The following NRG1 variants were observed in gnomAD, a reference collection of about 807,000 sequenced individuals.
NRG1 encodes pro-neuregulin-1, membrane-bound isoform.
A neutral mutation model predicts 63.8 loss-of-function variants in NRG1; 18 were observed. The observed-to-expected ratio is 0.28, with a 90% CI of 0.19 to 0.42. The LOEUF is 0.42. Among genes scored for constraint, NRG1 ranks in the 10% least tolerant of loss-of-function variants. NRG1 has a pLI of 1.00. For synonymous variants in NRG1, 302 were observed against 301.3 expected, an observed-to-expected ratio of 1.00 and a Z score of -0.02; for missense variants, 762 against 814.7, an observed-to-expected ratio of 0.94 and a Z score of 0.79.
At chr8:31,910,282 C>T (rs1007673427) in intron 1 of NRG1, among the ~76,000 whole-genome samples, 1 of 147,426 alleles carries the variant, frequency 6.8e-6, no homozygotes, top group African/African-American at 2.5e-5. Context: ...TAGATTGAGA[C>T]AGACATGCAG....
intron 1 of NRG1, among the ~76,000 whole-genome samples, chr8:32,235,536 G>A (rs1267436681): frequency 1.3e-5 from 2 of 152,042 alleles, no homozygotes; most frequent in South Asian, 2.1e-4. Flanking sequence ...CAAATTCTGA[G>A]CCCCCATCCC....
rs1189948229 is a variant in NRG1 at position 31,665,371 on chromosome 8, A to G, written c.37+25940A>G. ...AGAAATGCTCTGAGAACAAGAAAGC[A>G]AGTATTTTGCACCCAGGATGGAAAC... On this transcript the variant is annotated intron_variant, in intron 1 of 10. Coordinates refer to the NRG1 transcript ENST00000519301. 2.6e-5 allele frequency among the ~76,000 whole-genome samples: 4 copies of G among 152,186 alleles called. No homozygotes were observed. In the East Asian group the frequency reaches 7.7e-4, roughly 29 times the overall value.
intron 1 of NRG1, among the ~76,000 whole-genome samples, chr8:31,913,225 A>G (rs529014666): frequency 3.3e-5 from 5 of 151,726 alleles, no homozygotes; most frequent in Non-Finnish European, 5.9e-5. Context: ...AACAATATCC[A>G]CTCCTTAGAA....
intron 1 of NRG1, among the ~76,000 whole-genome samples, chr8:32,554,173 C>T (rs543321557): frequency 3.9e-5 from 6 of 152,278 alleles, no homozygotes; most frequent in Non-Finnish European, 7.4e-5. Context: ...ATAGTATTAG[C>T]TTGAAAACGG....
chr8:32,565,536 A>T (rs529808708), intron 1 of NRG1, among the ~76,000 whole-genome samples: 1 of 152,158 alleles, frequency 6.6e-6, no homozygotes, highest in East Asian at 1.9e-4. Flanking sequence ...TTTTGAAGTT[A>T]TCTTCCCCTT....
intron 1 of NRG1, among the ~76,000 whole-genome samples, chr8:32,319,443 A>G (rs938672088): frequency 1.3e-5 from 2 of 152,202 alleles, no homozygotes; most frequent in African/African-American, 4.8e-5. Context: ...TGCCTATTCA[A>G]GAGGAGAAGA....
At chr8:31,655,900 T>C (rs1319968486) in intron 1 of NRG1, among the ~76,000 whole-genome samples, 1 of 152,224 alleles carries the variant, frequency 6.6e-6, no homozygotes, top group African/African-American at 2.4e-5. Context: ...CCCCCAGTGT[T>C]CTGGCTTGAG....
intron 1 of NRG1, among the ~76,000 whole-genome samples, chr8:32,267,908 T>G (rs970375683): frequency 2.6e-5 from 4 of 152,206 alleles, no homozygotes; most frequent in African/African-American, 4.8e-5. Context: ...ATGGTCCCCG[T>G]GATCCCTGAC....
chr8:32,219,037 G>A (rs1042771408), intron 1 of NRG1, among the ~76,000 whole-genome samples: 4 of 152,144 alleles, frequency 2.6e-5, no homozygotes, highest in African/African-American at 9.7e-5. Flanking sequence ...TAGTGTGGAT[G>A]AAGAGGCAGC....
intron 1 of NRG1, among the ~76,000 whole-genome samples, chr8:32,310,908 C>T (rs1474901554): frequency 6.6e-6 from 1 of 152,152 alleles, no homozygotes; most frequent in Non-Finnish European, 1.5e-5. Flanking sequence ...CATGCTGTTC[C>T]CTCTACCTGG....
intron 1 of NRG1, among the ~76,000 whole-genome samples, chr8:31,911,831 C>G (rs1353489306): frequency 6.6e-6 from 1 of 152,148 alleles, no homozygotes; most frequent in Non-Finnish European, 1.5e-5. Flanking sequence ...AGTGAAGAAT[C>G]TGTGGAATCT....
Position 31,640,849 on chromosome 8 carries a change from G to T in NRG1, c.37+1418G>T. ...AGAGGCGCTCTGGGTCCCAGTTGTTGGTTTCAGGGTGGTGGGTTCTCAGCG... is the reference window on the plus strand; with the variant it reads ...AGAGGCGCTCTGGGTCCCAGTTGTTTGTTTCAGGGTGGTGGGTTCTCAGCG... On this transcript the variant is annotated intron_variant, in intron 1 of 10. Transcript: ENST00000519301. This position sits in a 1 kb window ranked among gnomAD's most constrained non-coding sequence, Gnocchi z 6.3. 7.1e-7 allele frequency: 1 copy of T among 1,400,768 alleles called. No individual in the cohort carries two copies. The highest frequency in any genetic ancestry group is 9.3e-7 in the Non-Finnish European group (1 of 1,080,922). The allele number at this position is 1,400,768 out of a possible 1,614,324, so 86.8% of individuals were successfully genotyped here.
At chr8:31,838,800 G>T (rs913388251) in intron 1 of NRG1, among the ~76,000 whole-genome samples, 2 of 152,038 alleles carry the variant, frequency 1.3e-5, no homozygotes, top group Non-Finnish European at 2.9e-5. Context: ...TTAGCAATTG[G>T]TTATTTTATG....
intron 1 of NRG1, among the ~76,000 whole-genome samples, chr8:32,494,968 G>A (rs1563542447): frequency 6.6e-6 from 1 of 152,144 alleles, no homozygotes; most frequent in Non-Finnish European, 1.5e-5. Context: ...TTCTTTACAA[G>A]TTGTGTAACA....
At position 31,777,659 on chromosome 8, in the gene NRG1, C is replaced by T. The variant is rs144991612; in HGVS notation, c.37+138228C>T. ...GGAGGTCTGCAGGCTATACAAGAAG[C>T]GTGGCGCCACATCATCTGCTTCTGA... On this transcript the variant is annotated intron_variant, in intron 1 of 10. Coordinates refer to the NRG1 transcript ENST00000519301. Among the ~76,000 whole-genome samples, 621 of 152,304 alleles carry T rather than the reference C, an allele frequency of 4.1e-3. 6 individuals are homozygous for T. The highest frequency in any genetic ancestry group is 0.014 in the African/African-American group (584 of 41,546).
chr8:32,173,840 G>A (rs1840369700), intron 1 of NRG1, among the ~76,000 whole-genome samples: 3 of 152,148 alleles, frequency 2.0e-5, no homozygotes, highest in South Asian at 2.1e-4. Flanking sequence ...GATTCATAAA[G>A]CAAGTCCTTA....
intron 1 of NRG1, among the ~76,000 whole-genome samples, chr8:32,314,259 G>A (rs1366469221): frequency 6.6e-6 from 1 of 152,158 alleles, no homozygotes; most frequent in Non-Finnish European, 1.5e-5. Flanking sequence ...TGGAGCAGGA[G>A]TCAAATGGTC....
rs1026590201 is a variant in NRG1, at chr8:32,437,230, A to C, written c.38-158598A>C. Among the ~76,000 whole-genome samples the C allele has an allele frequency of 6.2e-4, 91 of 147,842 alleles. 1 individual carries two copies. Among genetic ancestry groups the C allele is most frequent in the Non-Finnish European group, 1.1e-3 (75 of 66,936 alleles). ...TCCATAGCCTAGGTAGTCTTGAAAA[A>C]CCCTCCATTCCCGCAGCTTCCCCCA... On this transcript the variant is annotated intron_variant, in intron 1 of 10. Coordinates refer to the NRG1 transcript ENST00000519301.
chr8:32,074,311 C>G (rs1826179361), intron 1 of NRG1, among the ~76,000 whole-genome samples: 1 of 152,080 alleles, frequency 6.6e-6, no homozygotes, highest in Admixed American at 6.6e-5. Flanking sequence ...TAATAGTTCC[C>G]TTATTCTTCA....
Sources: gnomAD v4.1 joint callset for allele counts (sites outside exome capture counted in the v4.1 genomes callset) on GRCh38, gnomAD v4.1.1 for gene constraint, Gnocchi (gnomAD v3.1) non-coding constraint, MANE v1.5 for transcripts, NCBI Gene and HGNC (gene_info 2026-07-23, HGNC 2026-07-21) for gene names.